Variants in CMKLR1 observed in about 807,000 individuals in gnomAD.
CMKLR1 encodes the protein chemerin chemokine-like receptor 1, also known as chemerin-like receptor 1.
CMKLR1 carries 6 observed loss-of-function variants against 8.2 expected under a neutral mutation model. That is an observed-to-expected ratio of 0.73 (90% CI 0.40 to 1.44). CMKLR1 has a LOEUF of 1.44. Among genes scored for constraint, CMKLR1 ranks in the 40% most tolerant of loss-of-function variants. The pLI is 0.02. For missense variants in CMKLR1, 429 were observed against 478.0 expected (o/e 0.90, Z 0.96); for synonymous variants, 178 against 181.2 (o/e 0.98, Z 0.14).
intron 2 of CMKLR1, among the ~76,000 whole-genome samples, chr12:108,303,497 G>T (rs577654927): frequency 2.5e-4 from 38 of 152,200 alleles, no homozygotes; most frequent in Non-Finnish European, 4.1e-4. Context: ...CACAGAGAAG[G>T]TAACTAACGT....
chr12:108,293,512 G>C, intron 3 of CMKLR1, 77 bp downstream of exon 3: 1 of 1,488,752 alleles, frequency 6.7e-7, no homozygotes, highest in East Asian at 2.5e-5. Flanking sequence ...GGACAGCCTT[G>C]TTGTGATCCC....
At chr12:108,335,057 A>G (rs1455829582) in intron 1 of CMKLR1, among the ~76,000 whole-genome samples, 1 of 152,184 alleles carries the variant, frequency 6.6e-6, no homozygotes, top group Non-Finnish European at 1.5e-5. Flanking sequence ...TGATGTTGTG[A>G]GTCCAACATC....
intron 1 of CMKLR1, among the ~76,000 whole-genome samples, chr12:108,333,716 T>C (rs2137347131): frequency 6.6e-6 from 1 of 152,324 alleles, no homozygotes; most frequent in East Asian, 1.9e-4. Flanking sequence ...ATCTGGGATC[T>C]ATCATCACCA....
intron 2 of CMKLR1, among the ~76,000 whole-genome samples, chr12:108,323,679 G>T (rs1350156166): frequency 1.3e-5 from 2 of 152,194 alleles, no homozygotes; most frequent in African/African-American, 4.8e-5. Flanking sequence ...GTTGCCATCT[G>T]GTCCAATGTG....
intron 2 of CMKLR1, among the ~76,000 whole-genome samples, chr12:108,301,721 G>A (rs1043865736): frequency 6.6e-6 from 1 of 152,208 alleles, no homozygotes; most frequent in Non-Finnish European, 1.5e-5. Context: ...TACAGACGAG[G>A]AGACTGAGGC....
Position 108,292,852 on chromosome 12 carries a change from C to G in CMKLR1, c.111G>C (p.Arg37Ser), listed in dbSNP as rs776930995. Residue 37 changes from arginine to serine, a missense_variant, in exon 4 of 4, where the codon AGG (arginine) becomes AGC (serine). By Grantham distance (110) the Arg-to-Ser change is moderately radical (BLOSUM62 -1). Transcript: ENST00000550402. ...VLEDLSPLEA[R>S]VTRIFLVVVY... ...CCACCACCAGGAAGATCCTGGTCACCCTGGCTTCCAAGGGGGATAAGTCCT... is the reference window on the plus strand; with the variant it reads ...CCACCACCAGGAAGATCCTGGTCACGCTGGCTTCCAAGGGGGATAAGTCCT... The G allele has an allele frequency of 6.2e-7, 1 of 1,614,072 alleles. No homozygotes were observed. Among genetic ancestry groups the G allele is most frequent in the Non-Finnish European group, 8.5e-7 (1 of 1,180,014 alleles).
rs552080574 is a variant in CMKLR1, at chr12:108,299,059, C to A, written c.-73-5395G>T. 2.6e-5 allele frequency among the ~76,000 whole-genome samples: 4 copies of A among 152,338 alleles called. No individual in the cohort carries two copies. The East Asian group carries it at 5.8e-4, about 22-fold the overall frequency. Reference sequence around the variant, plus strand: ...AAAATGAGGATGATAACAATACCCACCCCGCATGCTGTGCAGGACTAGAAT... The same window carrying A: ...AAAATGAGGATGATAACAATACCCAACCCGCATGCTGTGCAGGACTAGAAT... On this transcript the variant is annotated intron_variant, in intron 2 of 3. Coordinates refer to ENST00000550402, the MANE Select transcript of CMKLR1 (RefSeq NM_001142343.2).
In CMKLR1 at chr12:108,291,658, G is replaced by A. The variant is rs1890969620; in HGVS notation, c.*183C>T. Reference sequence around the variant, plus strand: ...TCCAAGGCTGTATGGAACACAGCATGTTCTGTCCACTAGAAGAAAGGGGTT... The same window carrying A: ...TCCAAGGCTGTATGGAACACAGCATATTCTGTCCACTAGAAGAAAGGGGTT... On this transcript the variant is annotated 3_prime_UTR_variant, in exon 4 of 4. Transcript: ENST00000550402. 3.0e-6 allele frequency: 2 copies of A among 660,418 alleles called. No homozygotes were observed. Among genetic ancestry groups the A allele is most frequent in the Non-Finnish European group, 5.2e-6 (2 of 381,700 alleles). 40.9% of individuals were successfully genotyped at this position (660,418 alleles called of 1,614,324 possible).
rs1041811406 is a variant in CMKLR1 at position 108,314,975 on chromosome 12, T to C, written c.-74+15020A>G. Among the ~76,000 whole-genome samples the C allele has an allele frequency of 2.0e-5, 3 of 149,726 alleles. No individual in the cohort carries two copies. In the Admixed American group the frequency reaches 2.0e-4, roughly 10 times the overall value. On this transcript the variant is annotated intron_variant, in intron 2 of 3. Transcript: ENST00000550402. Reference sequence around the variant, plus strand: ...TTTTTGAGACGGAGTTTTGCTCTTGTTGCCCAGGCTGGAGTGCAATGGCGC... The same window carrying C: ...TTTTTGAGACGGAGTTTTGCTCTTGCTGCCCAGGCTGGAGTGCAATGGCGC...
At chr12:108,308,662 A>G (rs1165047318) in intron 2 of CMKLR1, among the ~76,000 whole-genome samples, 2 of 152,158 alleles carry the variant, frequency 1.3e-5, no homozygotes, top group Non-Finnish European at 2.9e-5. Context: ...GAGGGTGAGG[A>G]CGGGCAAGGC....
chr12:108,330,223 AAG>A lies in CMKLR1; in HGVS notation c.-286-18_-286-17del, dbSNP rs985419049. ...GAGAGATGGGCTACAGAGAGAGAGA[AAG>A]AGAGAAACAGAGCACACAAGTTCCA... is the stretch of plus-strand genomic sequence containing the variant. On this transcript the variant is annotated splice_polypyrimidine_tract_variant and intron_variant, in intron 1 of 3. Coordinates refer to ENST00000550402, the MANE Select transcript of CMKLR1 (RefSeq NM_001142343.2). The A allele has an allele frequency of 3.9e-5, 6 of 152,188 alleles. No individual in the cohort carries two copies. The highest frequency in any genetic ancestry group is 6.5e-5 in the Admixed American group (1 of 15,282). The allele number at this position is 152,188 out of a possible 1,614,324, so 9.4% of individuals were successfully genotyped here.
intron 2 of CMKLR1, among the ~76,000 whole-genome samples, chr12:108,303,944 G>T (rs1891342245): frequency 1.3e-5 from 2 of 152,224 alleles, no homozygotes; most frequent in African/African-American, 4.8e-5. Flanking sequence ...CTGGGATGCA[G>T]CACACCGTGG....
intron 2 of CMKLR1, among the ~76,000 whole-genome samples, chr12:108,300,047 T>C (rs920970926): frequency 6.6e-6 from 1 of 152,242 alleles, no homozygotes; most frequent in Non-Finnish European, 1.5e-5. Flanking sequence ...AATTGGGTCT[T>C]ATTCAGCTCC....
At chr12:108,301,044 C>G (rs1051842777) in intron 2 of CMKLR1, among the ~76,000 whole-genome samples, 4 of 145,944 alleles carry the variant, frequency 2.7e-5, no homozygotes, top group Non-Finnish European at 6.0e-5. Flanking sequence ...AGTGGTGGTT[C>G]TGACCACAAT....
intron 1 of CMKLR1, among the ~76,000 whole-genome samples, chr12:108,335,418 G>A (rs887687451): frequency 3.3e-5 from 5 of 152,196 alleles, no homozygotes; most frequent in African/African-American, 9.6e-5. Flanking sequence ...GGATATCTGA[G>A]GAGAGAGTGG....
chr12:108,294,056 A>G (rs943410214), intron 2 of CMKLR1, among the ~76,000 whole-genome samples: 1 of 152,258 alleles, frequency 6.6e-6, no homozygotes, highest in Non-Finnish European at 1.5e-5. Flanking sequence ...TGTTTTAGGA[A>G]GTGTGAGCAC....
chr12:108,295,475 T>C (rs940882826), intron 2 of CMKLR1, among the ~76,000 whole-genome samples: 12 of 152,212 alleles, frequency 7.9e-5, no homozygotes, highest in Admixed American at 2.0e-4. Context: ...GGACATGGCC[T>C]TACTAGGGTC....
intron 2 of CMKLR1, among the ~76,000 whole-genome samples, chr12:108,319,151 G>T (rs138827612): frequency 6.6e-6 from 1 of 152,142 alleles, no homozygotes; most frequent in Non-Finnish European, 1.5e-5. Flanking sequence ...TGGCCATGAC[G>T]TCTCTGCTGA....
Position 108,292,006 on chromosome 12 carries a change from C to T in CMKLR1, c.957G>A (p.Met319Ile). Residue 319 changes from methionine (M) to isoleucine (I), a missense_variant, in exon 4 of 4, where the codon ATG becomes ATA. By Grantham distance (10) the Met-to-Ile change is conservative. Coordinates refer to ENST00000550402, the MANE Select transcript of CMKLR1 (RefSeq NM_001142343.2). ...SCMNPILYVF[M>I]GQDFKKFKVA... ...CCTTGAACTTCTTGAAGTCCTGACC[C>T]ATGAAAACATACAGAATGGGGTTCA... The T allele has an allele frequency of 6.2e-7, 1 of 1,614,162 alleles. No individual in the cohort carries two copies. Among genetic ancestry groups the T allele is most frequent in the South Asian group, 1.1e-5 (1 of 91,078 alleles).
Sources: gnomAD v4.1 joint callset for allele counts (sites outside exome capture counted in the v4.1 genomes callset) on GRCh38, gnomAD v4.1.1 for gene constraint, MANE v1.5 for transcripts, NCBI Gene and HGNC (gene_info 2026-07-23, HGNC 2026-07-21) for gene names.